Variants in C10orf53 observed in about 807,000 individuals in gnomAD.
C10orf53 encodes chromosome 10 open reading frame 53.
C10orf53 carries 8 observed loss-of-function variants against 9.4 expected under a neutral mutation model. The observed-to-expected ratio is 0.85, with a 90% confidence interval of 0.50 to 1.53. The LOEUF (loss-of-function observed/expected upper bound fraction) is 1.53. C10orf53 is among the 40% of genes most tolerant of loss of function. C10orf53 has a pLI of 0.00. For missense variants in C10orf53, 117 were observed against 117.8 expected (o/e 0.99, Z 0.03); for synonymous variants, 48 against 46.0 (o/e 1.04, Z -0.18).
In C10orf53 at chr10:49,694,875, A is replaced by G. The variant is rs943439130; in HGVS notation, c.*273A>G. 1.6e-6 allele frequency: 2 copies of G among 1,235,920 alleles called. No individual in the cohort carries two copies. Among genetic ancestry groups the G allele is most frequent in the Non-Finnish European group, 2.0e-6 (2 of 986,858 alleles). The allele number at this position is 1,235,920 out of a possible 1,614,324, so 76.6% of individuals were successfully genotyped here. On this transcript the variant is annotated 3_prime_UTR_variant, in exon 3 of 3. Coordinates refer to ENST00000374111, the MANE Select transcript of C10orf53 (RefSeq NM_001042427.3). Reference sequence around the variant, plus strand: ...CCAATATCAGGTACACATTGAGCTGAAGGAAACAATAAAATGCAATCAAAT... The same window carrying G: ...CCAATATCAGGTACACATTGAGCTGGAGGAAACAATAAAATGCAATCAAAT...
At chr10:49,686,593 C>T (rs1463279290) in intron 1 of C10orf53, among the ~76,000 whole-genome samples, 4 of 152,212 alleles carry the variant, frequency 2.6e-5, no homozygotes, top group African/African-American at 9.6e-5. Flanking sequence ...GAAAGGAATG[C>T]ATTCCAGGGG....
downstream of C10orf53, among the ~76,000 whole-genome samples, chr10:49,699,545 C>A (rs1590647290): frequency 6.6e-6 from 1 of 152,142 alleles, no homozygotes; most frequent in South Asian, 2.1e-4. Context: ...ACCAAAACAA[C>A]CACATTTGTA....
At position 49,696,346 on chromosome 10, in the gene C10orf53, T is replaced by C. The variant is rs1476342136; in HGVS notation, c.*1744T>C. On this transcript the variant is annotated 3_prime_UTR_variant, in exon 3 of 3. Transcript: ENST00000374111. The stretch of plus-strand genomic sequence containing the variant: ...ACTTTCATGGCCAAAACTTTTTCAA[T>C]GCTGAGAACTGAAATTGCTAGCTTC... 1.3e-5 allele frequency among the ~76,000 whole-genome samples: 2 copies of C among 152,200 alleles called. No individual in the cohort carries two copies. Among genetic ancestry groups the C allele is most frequent in the Non-Finnish European group, 2.9e-5 (2 of 68,034 alleles).
At chr10:49,693,959 T>A (rs766125739) in intron 2 of C10orf53, 66 bp downstream of exon 2, 1 of 1,603,032 alleles carries the variant, frequency 6.2e-7, no homozygotes, top group South Asian at 1.1e-5. Context: ...CAATTTCTAG[T>A]TGAAATGATC....
chr10:49,691,926 G>A (rs756029479), intron 1 of C10orf53, among the ~76,000 whole-genome samples: 14 of 152,312 alleles, frequency 9.2e-5, no homozygotes, highest in East Asian at 1.9e-4. Flanking sequence ...TGGGGGGTGC[G>A]GGTGTAAGGT....
Position 49,679,799 on chromosome 10 carries a change from G to A in C10orf53, c.97+5G>A. ...TCCGCCTGCAGGGCCTGCAAGGTGG[G>A]CCTCCTCGCCGCGTGCGCCCCTGAG... is the stretch of plus-strand genomic sequence containing the variant. On this transcript the variant is annotated splice_donor_5th_base_variant and intron_variant, in intron 1 of 2. Coordinates refer to ENST00000374111, the MANE Select transcript of C10orf53 (RefSeq NM_001042427.3). The A allele has an allele frequency of 1.3e-6, 2 of 1,531,238 alleles. No homozygotes were observed. Among genetic ancestry groups the A allele is most frequent in the South Asian group, 1.2e-5 (1 of 82,402 alleles). The allele number at this position is 1,531,238 out of a possible 1,614,324, so 94.9% of individuals were successfully genotyped here. A position where few individuals can be genotyped will look rare whatever the true frequency, so the allele number is the denominator to read the frequency against.
intron 1 of C10orf53, among the ~76,000 whole-genome samples, chr10:49,681,721 C>G (rs140868866): frequency 0.025 from 3,756 of 152,304 alleles, 64 homozygotes; most frequent in Non-Finnish European, 0.039. Context: ...TCTCTTTTGT[C>G]CTCACCTGGT....
At chr10:49,701,705 A>G (rs1840684481), downstream of C10orf53, among the ~76,000 whole-genome samples, 1 of 152,068 alleles carries the variant, frequency 6.6e-6, no homozygotes, top group South Asian at 2.1e-4. Flanking sequence ...CCCTCCTTGA[A>G]GCCTGCCCTG....
At chr10:49,709,973 C>CCG (rs1840752869) in exon 3 of C10orf53, 1 of 31,358 alleles carries the variant, frequency 3.2e-5, no homozygotes, top group Admixed American at 5.4e-4. Context: ...GTGTGTGTGT[C>CCG]TGTGTGTGTG....
chr10:49,703,248 G>A (rs2132891190), intron 2 of C10orf53, among the ~76,000 whole-genome samples: 1 of 152,200 alleles, frequency 6.6e-6, no homozygotes, highest in African/African-American at 2.4e-5. Flanking sequence ...AGATGACAAG[G>A]CATTCAGCTA....
Position 49,694,694 on chromosome 10 carries a change from G to T in C10orf53, c.*92G>T, listed in dbSNP as rs185091658. On this transcript the variant is annotated 3_prime_UTR_variant, in exon 3 of 3. Coordinates refer to ENST00000374111, the MANE Select transcript of C10orf53 (RefSeq NM_001042427.3). ...GCAGAAGTGGCTGTGCCACGGTGTG[G>T]ACACTGGGCTCTGCTAGTCAGAACA... 4 of 1,597,010 alleles carry T rather than the reference G, an allele frequency of 2.5e-6. No individual in the cohort carries two copies. The East Asian group carries it at 9.0e-5, about 36-fold the overall frequency.
At chr10:49,689,992 G>T (rs191919963) in intron 1 of C10orf53, among the ~76,000 whole-genome samples, 4 of 152,224 alleles carry the variant, frequency 2.6e-5, no homozygotes, top group Non-Finnish European at 5.9e-5. Flanking sequence ...GATGGGGAGC[G>T]CTGGGAAGCC....
chr10:49,683,755 G>T (rs1458007875), intron 1 of C10orf53, among the ~76,000 whole-genome samples: 3 of 152,100 alleles, frequency 2.0e-5, no homozygotes, highest in Non-Finnish European at 4.4e-5. Flanking sequence ...AATTAGGTGG[G>T]TGTGATGGCA....
chr10:49,684,603 T>A (rs1287278582), intron 1 of C10orf53, among the ~76,000 whole-genome samples: 1 of 151,998 alleles, frequency 6.6e-6, no homozygotes, highest in African/African-American at 2.4e-5. Flanking sequence ...TGTTTTGTTC[T>A]TTTAGATACT....
chr10:49,683,037 G>A (rs1026313772), intron 1 of C10orf53, among the ~76,000 whole-genome samples: 1 of 152,162 alleles, frequency 6.6e-6, no homozygotes, highest in African/African-American at 2.4e-5. Flanking sequence ...TATGAACACT[G>A]GTAAACAAAT....
chr10:49,681,241 A>C (rs1256878733), intron 1 of C10orf53, among the ~76,000 whole-genome samples: 2 of 152,190 alleles, frequency 1.3e-5, no homozygotes, highest in Non-Finnish European at 2.9e-5. Flanking sequence ...AAAGTCTGAA[A>C]TGGAGATAGA....
At chr10:49,690,343 C>T (rs757115158) in intron 1 of C10orf53, among the ~76,000 whole-genome samples, 2 of 152,180 alleles carry the variant, frequency 1.3e-5, no homozygotes, top group Non-Finnish European at 2.9e-5. Flanking sequence ...TGCACCCCCC[C>T]ACAACTTTAG....
At chr10:49,682,548 AGTTG>A (rs1840489559) in intron 1 of C10orf53, among the ~76,000 whole-genome samples, 1 of 1,342 alleles carries the variant, frequency 7.5e-4, no homozygotes, top group South Asian at 0.036. Context: ...GACAGGAGCC[AGTTG>A]CTGCTGCTGG....
chr10:49,690,124 G>A (rs796754202), intron 1 of C10orf53, among the ~76,000 whole-genome samples: 9 of 152,286 alleles, frequency 5.9e-5, no homozygotes, highest in Admixed American at 2.0e-4. Flanking sequence ...AGCAGGCGCA[G>A]GTGGCTCTTC....
Sources: allele counts gnomAD v4.1 joint callset (sites outside exome capture counted in the v4.1 genomes callset), GRCh38; gene constraint gnomAD v4.1.1; transcripts MANE v1.5; gene names NCBI Gene and HGNC (gene_info 2026-07-23, HGNC 2026-07-21).